Variants in GRM5 observed in about 807,000 individuals in gnomAD.
GRM5 encodes the protein metabotropic glutamate receptor 5.
In GRM5, 19 loss-of-function variants were observed where a neutral mutation model predicts 83.1. The ratio of observed to expected loss-of-function variants is 0.23; its 90% CI spans 0.16 to 0.34. The LOEUF (loss-of-function observed/expected upper bound fraction) is 0.34. Ranked by LOEUF, GRM5 falls within the 10% of genes least tolerant of loss-of-function variation. GRM5 has a pLI of 1.00. For missense variants in GRM5, 1,160 were observed against 1,588.3 expected (o/e 0.73, Z 4.58); for synonymous variants, 675 against 633.6 (o/e 1.07, Z -0.98).
At chr11:88,942,269 T>C (rs375641402) in intron 2 of GRM5, among the ~76,000 whole-genome samples, 3 of 152,188 alleles carry the variant, frequency 2.0e-5, no homozygotes, top group South Asian at 2.1e-4. Flanking sequence ...TTATAGTGTA[T>C]TTTCAAATGA....
chr11:88,583,984 T>C (rs1206373483), intron 7 of GRM5, among the ~76,000 whole-genome samples: 7 of 152,192 alleles, frequency 4.6e-5, no homozygotes, highest in South Asian at 2.1e-4. Flanking sequence ...TAGATTCACA[T>C]GGATTTTTGC....
intron 3 of GRM5, among the ~76,000 whole-genome samples, chr11:88,840,614 C>G (rs1944180975): frequency 6.6e-6 from 1 of 152,276 alleles, no homozygotes; most frequent in African/African-American, 2.4e-5. Context: ...GCTTTCAGGG[C>G]TTTTTCCATA....
intron 2 of GRM5, among the ~76,000 whole-genome samples, chr11:88,879,944 T>C (rs1416986290): frequency 1.3e-5 from 2 of 152,058 alleles, no homozygotes; most frequent in African/African-American, 2.4e-5. Flanking sequence ...AGCCTTATTA[T>C]AGAGAAATAG....
chr11:88,623,237 C>T (rs953291341), intron 4 of GRM5, among the ~76,000 whole-genome samples: 3 of 152,212 alleles, frequency 2.0e-5, no homozygotes, highest in African/African-American at 7.2e-5. Context: ...AGCTGCCCAC[C>T]ACCATGCCCG....
chr11:89,057,068 T>G, intron 1 of GRM5, among the ~76,000 whole-genome samples: 1 of 152,282 alleles, frequency 6.6e-6, no homozygotes, highest in East Asian at 1.9e-4. Flanking sequence ...TTTTCAACAA[T>G]CTTCTAAAAT....
chr11:88,571,211 T>A (rs1440843841), intron 7 of GRM5, among the ~76,000 whole-genome samples: 2 of 152,204 alleles, frequency 1.3e-5, no homozygotes. Context: ...ATTTTTGAAC[T>A]CTTCATGTTC....
intron 6 of GRM5, among the ~76,000 whole-genome samples, chr11:88,594,025 C>G (rs1402687181): frequency 6.6e-6 from 1 of 152,032 alleles, no homozygotes; most frequent in East Asian, 2.0e-4. Flanking sequence ...GATCTCCTGA[C>G]CTTGTGATCC....
chr11:89,001,507 T>C (rs75700139), intron 2 of GRM5, among the ~76,000 whole-genome samples: 1 of 152,104 alleles, frequency 6.6e-6, no homozygotes, highest in Admixed American at 6.6e-5. Flanking sequence ...GACAAATTTA[T>C]AGGAATGGAG....
intron 3 of GRM5, among the ~76,000 whole-genome samples, chr11:88,702,532 G>A (rs1237221314): frequency 6.6e-6 from 1 of 152,002 alleles, no homozygotes; most frequent in African/African-American, 2.4e-5. Flanking sequence ...TTCTGGGAAG[G>A]TAACATGTAG....
intron 4 of GRM5, among the ~76,000 whole-genome samples, chr11:88,626,877 C>T (rs1938811495): frequency 6.6e-6 from 1 of 152,142 alleles, no homozygotes; most frequent in Non-Finnish European, 1.5e-5. Context: ...GTGGACATAG[C>T]AAGAAGGAGG....
intron 8 of GRM5, among the ~76,000 whole-genome samples, chr11:88,530,598 T>C (rs1386176718): frequency 6.6e-6 from 1 of 152,066 alleles, no homozygotes; most frequent in Non-Finnish European, 1.5e-5. Context: ...TTTTCCATTA[T>C]TATTTGGATA....
intron 3 of GRM5, among the ~76,000 whole-genome samples, chr11:88,661,553 T>C (rs1431215282): frequency 1.3e-5 from 2 of 152,122 alleles, no homozygotes; most frequent in South Asian, 2.1e-4. Context: ...AATCTCTTAC[T>C]AATAGATTTT....
intron 3 of GRM5, among the ~76,000 whole-genome samples, chr11:88,844,972 C>G (rs1257718099): frequency 6.6e-6 from 1 of 152,158 alleles, no homozygotes; most frequent in Non-Finnish European, 1.5e-5. Context: ...GGTGAAGTTG[C>G]TATAAGCATT....
chr11:88,698,438 T>C (rs1940951831), intron 3 of GRM5, among the ~76,000 whole-genome samples: 1 of 152,242 alleles, frequency 6.6e-6, no homozygotes, highest in Non-Finnish European at 1.5e-5. Flanking sequence ...CTGCACATAT[T>C]ACTTTAGCAA....
chr11:88,896,133 A>G (rs1945225135), intron 2 of GRM5, among the ~76,000 whole-genome samples: 1 of 151,946 alleles, frequency 6.6e-6, no homozygotes, highest in Non-Finnish European at 1.5e-5. Flanking sequence ...ACTCCATTTC[A>G]TAGATGAATT....
intron 4 of GRM5, among the ~76,000 whole-genome samples, chr11:88,613,245 A>G (rs1472381678): frequency 6.6e-6 from 1 of 152,120 alleles, no homozygotes; most frequent in Non-Finnish European, 1.5e-5. Flanking sequence ...TAAGTCCAGA[A>G]TATCTTCATT....
intron 2 of GRM5, among the ~76,000 whole-genome samples, chr11:88,904,651 A>G (rs1444185340): frequency 6.6e-6 from 1 of 152,176 alleles, no homozygotes; most frequent in African/African-American, 2.4e-5. Context: ...ATGTAAACCT[A>G]CAGATACAAT....
At chr11:88,956,733 A>T (rs901155835) in intron 2 of GRM5, among the ~76,000 whole-genome samples, 1 of 152,176 alleles carries the variant, frequency 6.6e-6, no homozygotes, top group African/African-American at 2.4e-5. Flanking sequence ...GTGAACCCGG[A>T]AGGCGGAACT....
intron 2 of GRM5, among the ~76,000 whole-genome samples, chr11:88,973,062 G>T (rs1487246945): frequency 1.3e-5 from 2 of 152,168 alleles, no homozygotes; most frequent in African/African-American, 4.8e-5. Context: ...GTATTAAAGA[G>T]ATATGACAAT....
Sources: allele counts gnomAD v4.1 joint callset (sites outside exome capture counted in the v4.1 genomes callset), GRCh38; gene constraint gnomAD v4.1.1; transcripts MANE v1.5; gene names NCBI Gene and HGNC (gene_info 2026-07-23, HGNC 2026-07-21).